The following RRP12 variants were observed in gnomAD, a reference collection of about 807,000 sequenced individuals.
The protein encoded by RRP12 is RRP12-like protein.
In RRP12, 78 loss-of-function variants were observed where a neutral mutation model predicts 157.3. The ratio of observed to expected loss-of-function variants is 0.50; its 90% CI spans 0.41 to 0.60. The LOEUF is 0.60. Among genes scored for constraint, RRP12 ranks in the 20% least tolerant of loss-of-function variants. The pLI, the probability that RRP12 is intolerant of heterozygous loss-of-function variation, is 0.00. For missense variants in RRP12, 1,521 were observed against 1,679.9 expected, an observed-to-expected ratio of 0.91 and a Z score of 1.65; for synonymous variants, 726 against 670.9, an observed-to-expected ratio of 1.08 and a Z score of -1.27.
intron 10 of RRP12, among the ~76,000 whole-genome samples, chr10:97,384,255 C>T (rs1387778564): frequency 1.3e-5 from 2 of 151,484 alleles, no homozygotes; most frequent in Non-Finnish European, 2.9e-5. Flanking sequence ...CTGAGCACCC[C>T]GAACCTTGGC....
chr10:97,383,742 C>T (rs7923907), intron 10 of RRP12, among the ~76,000 whole-genome samples: 71,698 of 152,086 alleles, frequency 0.47, 18,785 homozygotes, highest in Non-Finnish European at 0.59. Flanking sequence ...AGAACGGAGC[C>T]GCCAGTCCAG....
chr10:97,372,632 G>T, intron 19 of RRP12, 104 bp downstream of exon 19: 2 of 929,068 alleles, frequency 2.2e-6, no homozygotes, highest in Non-Finnish European at 3.4e-6. Flanking sequence ...ATACTTCAAG[G>T]CTTCCTTAAA....
chr10:97,369,672 A>C (rs1844088314), intron 24 of RRP12, 90 bp from the exon 25 acceptor site: 3 of 1,360,662 alleles, frequency 2.2e-6, no homozygotes, highest in Middle Eastern at 3.6e-4. Context: ...CTCAAGTGTC[A>C]GTAAAAGCTG....
chr10:97,364,313 C>T lies in RRP12; in HGVS notation c.3518-410G>A, dbSNP rs566277279. 3.9e-5 allele frequency among the ~76,000 whole-genome samples: 6 copies of T among 152,282 alleles called. No individual in the cohort carries two copies. In the South Asian group the frequency reaches 8.3e-4, roughly 21 times the overall value. On this transcript the variant is annotated intron_variant, in intron 29 of 33. Coordinates refer to ENST00000370992, the MANE Select transcript of RRP12 (RefSeq NM_015179.4). ...GGCTTCATTCTCCTGTTTGAAATCT[C>T]TGCCCCATGCAGTATGTGCTGGGCT...
rs1843971540 is a variant in RRP12, at chr10:97,366,157, T to C, written c.3468A>G (p.Ile1156Met). 2 of 1,607,604 alleles carry C rather than the reference T, an allele frequency of 1.2e-6. No homozygotes were observed. Among genetic ancestry groups the C allele is most frequent in the South Asian group, 1.1e-5 (1 of 91,026 alleles). ...FKVSADGRLI[I>M]REEADGNKME... ...TCTTGTTGCCGTCTGCCTCCTCCCT[T>C]ATGATCAGCCGGCCATCGGCGCTCA... The change falls in exon 29 of 34, where the codon ATA (isoleucine) becomes ATG (methionine). Residue 1156 changes from isoleucine to methionine, a missense_variant. Ile to Met is a conservative substitution (Grantham distance 10). Coordinates refer to ENST00000370992, the MANE Select transcript of RRP12 (RefSeq NM_015179.4).
At chr10:97,360,670 C>T (rs747051431) in intron 30 of RRP12, 52 bp from the exon 31 acceptor site, 2 of 1,367,772 alleles carry the variant, frequency 1.5e-6, no homozygotes, top group Admixed American at 3.4e-5. Flanking sequence ...TGTGCCCACC[C>T]TCGGGAATGC....
intron 13 of RRP12, among the ~76,000 whole-genome samples, chr10:97,380,098 C>G (rs1308561221): frequency 6.6e-6 from 1 of 152,216 alleles, no homozygotes; most frequent in Non-Finnish European, 1.5e-5. Context: ...GACAGAGGTG[C>G]ACCCCTGGGT....
Position 97,373,610 on chromosome 10 carries a change from G to T in RRP12, c.1991C>A (p.Ala664Asp). 1 of 1,611,678 alleles carries T rather than the reference G, an allele frequency of 6.2e-7. No individual in the cohort carries two copies. Among genetic ancestry groups the T allele is most frequent in the East Asian group, 2.2e-5 (1 of 44,844 alleles). ...GCCCTTGGTGATGAGGGTGCGCAGG[G>T]CCTGGCACACGGTGACCCTCAGGTC... ...RPDLRVTVCQ[A>D]LRTLITKGCQ... is the part of the protein sequence containing the mutation. Residue 664 changes from alanine (A) to aspartate (D), a missense_variant, in exon 17 of 34, where the codon GCC becomes GAC. Ala to Asp is a moderately radical substitution (Grantham distance 126). Coordinates refer to ENST00000370992, the MANE Select transcript of RRP12 (RefSeq NM_015179.4).
rs1844407606 is a variant in RRP12, at chr10:97,379,636, A to G, written c.1668T>C (p.Asp556=). ...VVLQAVPLEI[D]GSEETLDFPR... The stretch of plus-strand genomic sequence containing the variant: ...GCCAGGGCCACACTTACTCAGAGCC[A>G]TCAATTTCCAAAGGCACAGCCTGCA... The change falls in exon 14 of 34, where the codon GAT becomes GAC. Residue 556 remains aspartate (D), a synonymous_variant. Transcript: ENST00000370992. 1.2e-6 allele frequency: 2 copies of G among 1,613,816 alleles called. No individual in the cohort carries two copies. Among genetic ancestry groups the G allele is most frequent in the African/African-American group, 1.3e-5 (1 of 74,912 alleles).
rs752589277 is a variant in RRP12 at position 97,358,942 on chromosome 10, C to T, written c.3708+1G>A. 2 of 1,613,092 alleles carry T rather than the reference C, an allele frequency of 1.2e-6. No homozygotes were observed. The highest frequency in any genetic ancestry group is 1.7e-5 in the Admixed American group (1 of 60,002). ...CCCCATGCCCTACATGCAGCACTTACCTTGGCCTTGTATTCAGCCCCAGGC... is the reference window on the plus strand; with the variant it reads ...CCCCATGCCCTACATGCAGCACTTATCTTGGCCTTGTATTCAGCCCCAGGC... On this transcript the variant is annotated splice_donor_variant, in intron 32 of 33. Transcript: ENST00000370992. LOFTEE classifies it high-confidence loss of function.
chr10:97,371,458 A>C, intron 20 of RRP12: 3 of 239,250 alleles, frequency 1.3e-5, no homozygotes, highest in East Asian at 9.2e-5. Flanking sequence ...TCTCTGTCAC[A>C]CTCCCCCAAC....
chr10:97,364,461 G>A (rs1334019487), intron 29 of RRP12, among the ~76,000 whole-genome samples: 2 of 152,230 alleles, frequency 1.3e-5, no homozygotes, highest in African/African-American at 4.8e-5. Flanking sequence ...GCTCACACCT[G>A]TAATCCCAGC....
intron 31 of RRP12, among the ~76,000 whole-genome samples, chr10:97,359,423 G>A (rs1336756213): frequency 6.6e-6 from 1 of 152,216 alleles, no homozygotes; most frequent in Non-Finnish European, 1.5e-5. Context: ...AGCCATTTTA[G>A]GCTTTCCCTT....
chr10:97,375,565 G>A (rs1002910096), intron 15 of RRP12, among the ~76,000 whole-genome samples: 8 of 152,070 alleles, frequency 5.3e-5, no homozygotes, highest in Admixed American at 3.3e-4. Flanking sequence ...AGATACCTGC[G>A]TGTAGTATTA....
intron 31 of RRP12, among the ~76,000 whole-genome samples, chr10:97,359,599 C>T (rs1348975609): frequency 2.6e-5 from 4 of 152,214 alleles, no homozygotes; most frequent in African/African-American, 7.2e-5. Flanking sequence ...TGGATGGAAT[C>T]CTACCATGCC....
In RRP12 at chr10:97,373,090, C is replaced by T. The variant is rs1844204053; in HGVS notation, c.2137G>A (p.Val713Met). Reference protein sequence around the residue: ...AGDTPAPRRAVLETIRTYLTI... With the variant: ...AGDTPAPRRAMLETIRTYLTI... ...AGGTAAGTTCTGATGGTTTCCAGCACAGCCCGGCGAGGGGCTGGAGTGTCC... is the reference window on the plus strand; with the variant it reads ...AGGTAAGTTCTGATGGTTTCCAGCATAGCCCGGCGAGGGGCTGGAGTGTCC... Residue 713 changes from valine (V) to methionine (M), a missense_variant, in exon 18 of 34, where the codon GTG becomes ATG. Transcript: ENST00000370992. 7 of 1,614,058 alleles carry T rather than the reference C, an allele frequency of 4.3e-6. No homozygotes were observed. Among genetic ancestry groups the T allele is most frequent in the Non-Finnish European group, 5.9e-6 (7 of 1,179,938 alleles).
At chr10:97,391,524 T>C (rs548183719) in intron 4 of RRP12, among the ~76,000 whole-genome samples, 17 of 152,100 alleles carry the variant, frequency 1.1e-4, no homozygotes, top group South Asian at 4.1e-4. Flanking sequence ...TGAGCTGAGA[T>C]TGCACCATTG....
At chr10:97,372,195 G>T in intron 19 of RRP12, 29 bp from the exon 20 acceptor site, 1 of 1,583,366 alleles carries the variant, frequency 6.3e-7, no homozygotes, top group Non-Finnish European at 8.7e-7. Context: ...CAAGGAGAGG[G>T]ATGGGGAGCT....
intron 29 of RRP12, among the ~76,000 whole-genome samples, chr10:97,365,274 T>G (rs1270876896): frequency 1.4e-5 from 2 of 144,192 alleles, no homozygotes; most frequent in African/African-American, 5.1e-5. Flanking sequence ...ACCTAGGTGT[T>G]TTTTTTTTTT....
Sources: allele counts gnomAD v4.1 joint callset (sites outside exome capture counted in the v4.1 genomes callset), GRCh38; gene constraint gnomAD v4.1.1; transcripts MANE v1.5; gene names NCBI Gene and HGNC (gene_info 2026-07-23, HGNC 2026-07-21).